The following ASPG variants were observed in gnomAD, a reference collection of about 807,000 sequenced individuals.
The protein encoded by ASPG is asparaginase, also known as 60 kDa lysophospholipase.
Under a neutral mutation model 63.2 loss-of-function variants are expected in ASPG, and 53 were observed. That is an observed-to-expected ratio of 0.84 (90% CI 0.67 to 1.05). The LOEUF (loss-of-function observed/expected upper bound fraction) is 1.05. Among genes scored for constraint, ASPG ranks in the 50% least tolerant of loss-of-function variants. ASPG has a pLI of 0.00. For missense variants in ASPG, 741 were observed against 794.4 expected (o/e 0.93, Z 0.81); for synonymous variants, 370 against 355.0 (o/e 1.04, Z -0.48).
chr14:104,108,851 G>T (rs1414212618), intron 12 of ASPG: 1 of 985,308 alleles, frequency 1.0e-6, no homozygotes, highest in Admixed American at 6.1e-5. Flanking sequence ...ATGTAAGGCT[G>T]TCCTCTGAAA....
chr14:104,098,892 C>A lies in ASPG; in HGVS notation c.553C>A (p.Arg185=). 6.2e-7 allele frequency: 1 copy of A among 1,612,832 alleles called. No homozygotes were observed. ...CCAGAATCAGCTGTTTCGGGGCAAC[C>A]GGGCAACCAAGGTAGACGCTCGGAG... is the stretch of plus-strand genomic sequence containing the variant. The part of the protein sequence containing the change: ...FFQNQLFRGN[R]ATKVDARRFA... The change falls in exon 6 of 16, where the codon CGG becomes AGG. Residue 185 remains arginine (R), a synonymous_variant. Coordinates refer to ENST00000551177, the MANE Select transcript of ASPG (RefSeq NM_001080464.3).
chr14:104,109,348 G>T lies in ASPG; in HGVS notation c.1520+33G>T, dbSNP rs370209884. ...CAGCTAGAGCACCTGCTCTTCCAGGGATGTGGGGGACACAGCTTGGGGAAG... is the reference window on the plus strand; with the variant it reads ...CAGCTAGAGCACCTGCTCTTCCAGGTATGTGGGGGACACAGCTTGGGGAAG... On this transcript the variant is annotated intron_variant, in intron 13 of 15. Coordinates refer to ENST00000551177, the MANE Select transcript of ASPG (RefSeq NM_001080464.3). This position sits in a 1 kb window ranked among gnomAD's most constrained non-coding sequence, Gnocchi z 4.8. 5.1e-6 allele frequency: 8 copies of T among 1,574,068 alleles called. No individual in the cohort carries two copies. The highest frequency in any genetic ancestry group is 1.2e-5 in the South Asian group (1 of 85,556).
rs1389101356 is a variant in ASPG, at chr14:104,109,758, G to A, written c.1520+443G>A. ...AAGCCCCTGGCAGGTGACAGGTCTC[G>A]TGAGCTCTGTTCTCCCCAGCGTGGT... On this transcript the variant is annotated intron_variant, in intron 13 of 15. Coordinates refer to ENST00000551177, the MANE Select transcript of ASPG (RefSeq NM_001080464.3). This position sits in a 1 kb window ranked among gnomAD's most constrained non-coding sequence, Gnocchi z 4.8. Among the ~76,000 whole-genome samples, 2 of 151,928 alleles carry A rather than the reference G, an allele frequency of 1.3e-5. No homozygotes were observed. Among genetic ancestry groups the A allele is most frequent in the East Asian group, 1.9e-4 (1 of 5,158 alleles).
chr14:104,092,377 G>A (rs2036394146), intron 1 of ASPG, among the ~76,000 whole-genome samples: 1 of 152,182 alleles, frequency 6.6e-6, no homozygotes, highest in South Asian at 2.1e-4. Flanking sequence ...GACCTGGGCA[G>A]AGCTCCTGGG....
chr14:104,105,277 G>T (rs1157277729), intron 9 of ASPG, 51 bp from the exon 10 acceptor site: 2 of 1,612,256 alleles, frequency 1.2e-6, no homozygotes, highest in Non-Finnish European at 1.7e-6. Context: ...GCTGTCCTGG[G>T]CTGCCCATCC....
chr14:104,092,894 C>T (rs2036413763), intron 2 of ASPG, 153 bp downstream of exon 2: 1 of 646,984 alleles, frequency 1.5e-6, no homozygotes, highest in Non-Finnish European at 2.7e-6. Context: ...GACTGACCAG[C>T]AGTCGCCTTC....
chr14:104,096,997 G>A (rs2036623890), intron 4 of ASPG, among the ~76,000 whole-genome samples: 2 of 152,232 alleles, frequency 1.3e-5, no homozygotes, highest in South Asian at 4.1e-4. Context: ...GCTGTGGGAG[G>A]AGCTGTACTG....
At position 104,109,109 on chromosome 14, in the gene ASPG, G is replaced by A. The variant is rs1257609397; in HGVS notation, c.1434-120G>A. 2.0e-6 allele frequency: 3 copies of A among 1,514,958 alleles called. No individual in the cohort carries two copies. The highest frequency in any genetic ancestry group is 4.0e-5 in the Admixed American group (2 of 49,752). The allele number at this position is 1,514,958 out of a possible 1,614,324, so 93.8% of individuals were successfully genotyped here. A position where few individuals can be genotyped will look rare whatever the true frequency, so the allele number is the denominator to read the frequency against. ...CCTTGTCTGAGGCTAGGGCTGTGGG[G>A]TCTTGGGCCGGCCGGTCCCCGTCCC... On this transcript the variant is annotated intron_variant, in intron 12 of 15. Transcript: ENST00000551177. This position sits in a 1 kb window ranked among gnomAD's most constrained non-coding sequence, Gnocchi z 4.8.
chr14:104,089,313 G>A (rs2036299536), intron 1 of ASPG, among the ~76,000 whole-genome samples: 1 of 152,096 alleles, frequency 6.6e-6, no homozygotes, highest in African/African-American at 2.4e-5. Flanking sequence ...GGGAGTTCAA[G>A]ACCAGCCATG....
chr14:104,103,481 T>C, intron 6 of ASPG, 82 bp from the exon 7 acceptor site: 4 of 1,227,742 alleles, frequency 3.3e-6, no homozygotes, highest in Non-Finnish European at 3.4e-6. Context: ...GGAGGCGGCC[T>C]GTGCAGAGGG....
At position 104,112,913 on chromosome 14, in the gene ASPG, C is replaced by G. The variant is rs373364970; in HGVS notation, c.*369C>G. On this transcript the variant is annotated 3_prime_UTR_variant, in exon 16 of 16. Coordinates refer to ENST00000551177, the MANE Select transcript of ASPG (RefSeq NM_001080464.3). The stretch of plus-strand genomic sequence containing the variant: ...TGGTCCTTTCCCAGCTGCCACTCCC[C>G]CTTCCTGCCACCCTGCCTTTGCCCA... 4 of 322,668 alleles carry G rather than the reference C, an allele frequency of 1.2e-5. No individual in the cohort carries two copies. Among genetic ancestry groups the G allele is most frequent in the South Asian group, 9.5e-5 (3 of 31,438 alleles). The allele number at this position is 322,668 out of a possible 1,614,324, so 20.0% of individuals were successfully genotyped here.
intron 6 of ASPG, 135 bp from the exon 7 acceptor site, chr14:104,103,428 A>C: frequency 1.4e-6 from 1 of 724,060 alleles, no homozygotes; most frequent in Non-Finnish European, 2.3e-6. Flanking sequence ...AGGCAGGGCG[A>C]GGGGGCTGAG....
At chr14:104,103,385 C>T (rs73358220) in intron 6 of ASPG, among the ~76,000 whole-genome samples, 178 bp from the exon 7 acceptor site, 2 of 152,364 alleles carry the variant, frequency 1.3e-5, no homozygotes, top group African/African-American at 2.4e-5. Context: ...CCGGACTGCG[C>T]GGAAGCCCGG....
Position 104,109,430 on chromosome 14 carries a change from C to G in ASPG, c.1520+115C>G. ...GTCAGGGTGTGGGGGCTTTCAGAGGCGAGGCCCGCTGACCTCAGTGTGCAC... is the reference window on the plus strand; with the variant it reads ...GTCAGGGTGTGGGGGCTTTCAGAGGGGAGGCCCGCTGACCTCAGTGTGCAC... On this transcript the variant is annotated intron_variant, in intron 13 of 15. Transcript: ENST00000551177. The surrounding 1 kb of genome is among the most constrained non-coding windows in gnomAD (Gnocchi z 4.8). 8.4e-7 allele frequency: 1 copy of G among 1,188,198 alleles called. No individual in the cohort carries two copies. The highest frequency in any genetic ancestry group is 1.2e-6 in the Non-Finnish European group (1 of 859,582). 73.6% of individuals were successfully genotyped at this position (1,188,198 alleles called of 1,614,324 possible).
In ASPG at chr14:104,114,748, G is replaced by C. The variant is rs1414317013; in HGVS notation, c.*2204G>C. The stretch of plus-strand genomic sequence containing the variant: ...GCTTGGAGCGTTCGTGTCCTGCGCC[G>C]CGTTGGTGTGTTTCGTCCCCACTGT... On this transcript the variant is annotated 3_prime_UTR_variant, in exon 16 of 16. Transcript: ENST00000551177. 6.6e-6 allele frequency: 1 copy of C among 152,336 alleles called. No individual in the cohort carries two copies. The highest frequency in any genetic ancestry group is 1.5e-5 in the Non-Finnish European group (1 of 68,072). 9.4% of individuals were successfully genotyped at this position (152,336 alleles called of 1,614,324 possible). A position where few individuals can be genotyped will look rare whatever the true frequency, so the allele number is the denominator to read the frequency against.
chr14:104,104,880 C>T (rs2037053971), intron 9 of ASPG, 145 bp downstream of exon 9: 2 of 701,694 alleles, frequency 2.9e-6, no homozygotes, highest in Non-Finnish European at 4.6e-6. Context: ...GATGTGGCTC[C>T]CTATAGTGGG....
chr14:104,112,611 C>G lies in ASPG; in HGVS notation c.*67C>G. The G allele has an allele frequency of 6.3e-7, 1 of 1,586,380 alleles. No homozygotes were observed. Among genetic ancestry groups the G allele is most frequent in the African/African-American group, 1.3e-5 (1 of 74,684 alleles). On this transcript the variant is annotated 3_prime_UTR_variant, in exon 16 of 16. Transcript: ENST00000551177. ...CATGACCTGCTGGAGGGGTCTCAGG[C>G]ATGACCCCACTGCTGGGGCTGCTTC...
At chr14:104,095,493 G>A (rs772558928) in intron 3 of ASPG, 38 bp from the exon 4 acceptor site, 27 of 1,610,520 alleles carry the variant, frequency 1.7e-5, no homozygotes, top group Middle Eastern at 1.6e-4. Context: ...ACCTGCTTGC[G>A]AGGGGCTGGC....
At position 104,109,360 on chromosome 14, in the gene ASPG, A is replaced by G. The variant is rs1424960836; in HGVS notation, c.1520+45A>G. The G allele has an allele frequency of 6.4e-7, 1 of 1,557,266 alleles. No homozygotes were observed. Among genetic ancestry groups the G allele is most frequent in the Middle Eastern group, 1.7e-4 (1 of 5,932 alleles). ...CTGCTCTTCCAGGGATGTGGGGGAC[A>G]CAGCTTGGGGAAGCGAAGCCAGACC... On this transcript the variant is annotated intron_variant, in intron 13 of 15. Coordinates refer to ENST00000551177, the MANE Select transcript of ASPG (RefSeq NM_001080464.3). The surrounding 1 kb of genome is among the most constrained non-coding windows in gnomAD (Gnocchi z 4.8).
Sources: gnomAD v4.1 joint callset for allele counts (sites outside exome capture counted in the v4.1 genomes callset) on GRCh38, gnomAD v4.1.1 for gene constraint, Gnocchi (gnomAD v3.1) non-coding constraint, MANE v1.5 for transcripts, NCBI Gene and HGNC (gene_info 2026-07-23, HGNC 2026-07-21) for gene names.